XKR4: variants seen among roughly 807,000 people sequenced by gnomAD.
The protein encoded by XKR4 is XK-related protein 4.
In XKR4, 12 loss-of-function variants were observed where a neutral mutation model predicts 53.9. That is an observed-to-expected ratio of 0.22 (90% confidence interval 0.14 to 0.36). XKR4 has a LOEUF of 0.36. Among genes scored for constraint, XKR4 ranks in the 10% least tolerant of loss-of-function variants. The pLI, the probability that XKR4 is intolerant of heterozygous loss-of-function variation, is 1.00. For missense variants in XKR4, 799 were observed against 859.5 expected, an observed-to-expected ratio of 0.93 and a Z score of 0.88; for synonymous variants, 354 against 362.4, an observed-to-expected ratio of 0.98 and a Z score of 0.26.
At chr8:55,104,212 T>C (rs954527769) in intron 1 of XKR4, among the ~76,000 whole-genome samples, 2 of 152,132 alleles carry the variant, frequency 1.3e-5, no homozygotes, top group East Asian at 1.9e-4. Flanking sequence ...AATAGTATGC[T>C]CAGGAATACA....
At chr8:55,470,493 A>G (rs1805862314) in intron 2 of XKR4, among the ~76,000 whole-genome samples, 1 of 152,150 alleles carries the variant, frequency 6.6e-6, no homozygotes, top group Non-Finnish European at 1.5e-5. Flanking sequence ...CACGTGAGAC[A>G]TGTCACCATG....
At position 55,532,857 on chromosome 8, in the gene XKR4, T is replaced by C. The variant is rs1240198979; in HGVS notation, c.*8630T>C. ...AATATAAAGTTTTATGTTTTTATTATATTTCCATCTACCAAATTGTTGACC... is the reference window on the plus strand; with the variant it reads ...AATATAAAGTTTTATGTTTTTATTACATTTCCATCTACCAAATTGTTGACC... On this transcript the variant is annotated 3_prime_UTR_variant, in exon 3 of 3. Transcript: ENST00000327381. 1.3e-5 allele frequency: 2 copies of C among 151,392 alleles called. No individual in the cohort carries two copies. Among genetic ancestry groups the C allele is most frequent in the Non-Finnish European group, 2.9e-5 (2 of 67,908 alleles). 9.4% of individuals were successfully genotyped at this position (151,392 alleles called of 1,614,324 possible).
intron 1 of XKR4, among the ~76,000 whole-genome samples, chr8:55,193,400 A>ACTCTGCATCC: frequency 6.6e-6 from 1 of 151,234 alleles, no homozygotes; most frequent in Non-Finnish European, 1.5e-5. Flanking sequence ...CTGCTCACTT[A>ACTCTGCATCC]CAGAGCTGCT....
intron 1 of XKR4, among the ~76,000 whole-genome samples, chr8:55,186,897 G>GATAC (rs1817385744): frequency 6.6e-6 from 1 of 152,010 alleles, no homozygotes; most frequent in Non-Finnish European, 1.5e-5. Context: ...TAAGTGGCTG[G>GATAC]TATCTAGGGA....
intron 1 of XKR4, among the ~76,000 whole-genome samples, chr8:55,257,384 G>T (rs987585688): frequency 5.3e-5 from 8 of 152,028 alleles, no homozygotes; most frequent in African/African-American, 1.7e-4. Context: ...AAAAAAGAGA[G>T]CAGAGTGGAG....
intron 2 of XKR4, among the ~76,000 whole-genome samples, chr8:55,377,552 G>C (rs2129387012): frequency 6.6e-6 from 1 of 152,122 alleles, no homozygotes; most frequent in South Asian, 2.1e-4. Context: ...TTCCCTTAAG[G>C]AGCAACAAAA....
chr8:55,374,897 A>G (rs1469882162), intron 2 of XKR4, among the ~76,000 whole-genome samples: 1 of 152,254 alleles, frequency 6.6e-6, no homozygotes, highest in Non-Finnish European at 1.5e-5. Flanking sequence ...GTTTTAGGAC[A>G]GAGACATAAA....
chr8:55,125,590 A>G (rs965891344), intron 1 of XKR4, among the ~76,000 whole-genome samples: 2 of 152,240 alleles, frequency 1.3e-5, no homozygotes, highest in African/African-American at 4.8e-5. Context: ...TCCTTTTACA[A>G]AATAAGTAAA....
chr8:55,291,656 T>A (rs913644490), intron 1 of XKR4, among the ~76,000 whole-genome samples: 1 of 152,178 alleles, frequency 6.6e-6, no homozygotes, highest in Non-Finnish European at 1.5e-5. Flanking sequence ...TCCCTGGTGT[T>A]CATTACATGT....
chr8:55,359,607 C>T (rs1386822697), intron 2 of XKR4, among the ~76,000 whole-genome samples: 2 of 152,116 alleles, frequency 1.3e-5, no homozygotes, highest in Non-Finnish European at 2.9e-5. Flanking sequence ...TCCAGGAGCA[C>T]ACGTGGAGGG....
At chr8:55,487,315 A>G (rs529139082) in intron 2 of XKR4, among the ~76,000 whole-genome samples, 20 of 152,300 alleles carry the variant, frequency 1.3e-4, no homozygotes, top group African/African-American at 4.8e-4. Context: ...TTTGTTCTCT[A>G]TGAGCCCACA....
intron 2 of XKR4, chr8:55,455,093 T>G: frequency 1.5e-6 from 1 of 671,640 alleles, no homozygotes; most frequent in South Asian, 1.6e-5. Context: ...CCCGCGCGGG[T>G]GCGGCCTGAA....
chr8:55,424,738 T>TTAGGAATGAAATAG (rs1287822185), intron 2 of XKR4, among the ~76,000 whole-genome samples: 1 of 152,218 alleles, frequency 6.6e-6, no homozygotes, highest in Admixed American at 6.5e-5. Flanking sequence ...ACCTGGCACG[T>TTAGGAATGAAATAG]GTTAGGAATG....
At chr8:55,431,921 T>A (rs923413904) in intron 2 of XKR4, among the ~76,000 whole-genome samples, 6 of 152,198 alleles carry the variant, frequency 3.9e-5, no homozygotes, top group Admixed American at 6.5e-5. Context: ...TGATCATTAA[T>A]CCAATCCTGC....
intron 1 of XKR4, among the ~76,000 whole-genome samples, chr8:55,147,770 G>T (rs987254538): frequency 1.1e-4 from 17 of 152,120 alleles, no homozygotes; most frequent in African/African-American, 4.1e-4. Context: ...TTGAAGCTTT[G>T]GTCCTGTGGG....
At chr8:55,241,398 A>G (rs907581269) in intron 1 of XKR4, among the ~76,000 whole-genome samples, 4 of 152,148 alleles carry the variant, frequency 2.6e-5, no homozygotes, top group African/African-American at 9.7e-5. Context: ...ATTAAAGTGA[A>G]TAAGAGTTAT....
intron 1 of XKR4, among the ~76,000 whole-genome samples, chr8:55,254,986 A>G (rs1036473371): frequency 2.6e-5 from 4 of 152,228 alleles, no homozygotes; most frequent in African/African-American, 7.2e-5. Context: ...TCCGGATGCT[A>G]TGAAAGAATC....
intron 2 of XKR4, among the ~76,000 whole-genome samples, chr8:55,436,811 T>G (rs578029667): frequency 1.3e-5 from 2 of 152,344 alleles, no homozygotes; most frequent in South Asian, 4.1e-4. Context: ...ATTATCTTTA[T>G]GGACCTTTTG....
intron 1 of XKR4, among the ~76,000 whole-genome samples, chr8:55,325,801 A>G (rs1266900212): frequency 2.0e-5 from 3 of 152,350 alleles, no homozygotes; most frequent in East Asian, 3.9e-4. Context: ...AAAATTGTCT[A>G]TGTAAGAGAC....
Sources: allele counts gnomAD v4.1 joint callset (sites outside exome capture counted in the v4.1 genomes callset), GRCh38; gene constraint gnomAD v4.1.1; transcripts MANE v1.5; gene names NCBI Gene and HGNC (gene_info 2026-07-23, HGNC 2026-07-21).